Variants in HECTD2 observed in about 807,000 individuals in gnomAD.
The protein encoded by HECTD2 is HECT domain E3 ubiquitin protein ligase 2, also known as probable E3 ubiquitin-protein ligase HECTD2.
HECTD2 carries 35 observed loss-of-function variants against 103.2 expected under a neutral mutation model. The ratio of observed to expected loss-of-function variants is 0.34; its 90% CI spans 0.26 to 0.45. The LOEUF (loss-of-function observed/expected upper bound fraction) is 0.45. HECTD2 is among the 20% of genes least tolerant of loss of function. The probability of loss-of-function intolerance (pLI) is 1.00; values close to 1 mark genes in which losing one functional copy is unlikely to be tolerated. For synonymous variants in HECTD2, 281 were observed against 329.9 expected, an observed-to-expected ratio of 0.85 and a Z score of 1.61; for missense variants, 596 against 937.4, an observed-to-expected ratio of 0.64 and a Z score of 4.76.
At chr10:91,509,360 G>A (rs1019126125) in intron 20 of HECTD2, among the ~76,000 whole-genome samples, 17 of 152,130 alleles carry the variant, frequency 1.1e-4, no homozygotes, top group African/African-American at 3.4e-4. Context: ...TACACTGCTG[G>A]TGGGAATGTA....
At chr10:91,494,364 G>A (rs1846588450) in intron 14 of HECTD2, among the ~76,000 whole-genome samples, 1 of 152,038 alleles carries the variant, frequency 6.6e-6, no homozygotes, top group Non-Finnish European at 1.5e-5. Flanking sequence ...GCTGGTGAGA[G>A]TGGTGGGACA....
chr10:91,489,199 CTG>C (rs1846373911), intron 11 of HECTD2: 1 of 151,552 alleles, frequency 6.6e-6, no homozygotes, highest in African/African-American at 2.4e-5. Flanking sequence ...GGTGTAGACT[CTG>C]TGACAGGCTA....
Position 91,496,370 on chromosome 10 carries a change from C to A in HECTD2, c.1678C>A (p.Pro560Thr). ...CGTGGACGACTTATGTCAAATTATGCCTGTAAGTATAAAGTTATTAATATC... is the reference window on the plus strand; with the variant it reads ...CGTGGACGACTTATGTCAAATTATGACTGTAAGTATAAAGTTATTAATATC... ...VTVDDLCQIM[P>T]ELAHGLSELL... Residue 560 changes from proline (P) to threonine (T), a missense_variant and splice_region_variant, in exon 15 of 21, where the codon CCT becomes ACT. Coordinates refer to ENST00000298068, the MANE Select transcript of HECTD2 (RefSeq NM_182765.6). The A allele has an allele frequency of 6.2e-7, 1 of 1,603,142 alleles. No homozygotes were observed. The highest frequency in any genetic ancestry group is 8.5e-7 in the Non-Finnish European group (1 of 1,172,422).
chr10:91,436,029 A>G (rs560606644), intron 2 of HECTD2, among the ~76,000 whole-genome samples: 1 of 151,646 alleles, frequency 6.6e-6, no homozygotes, highest in South Asian at 2.1e-4. Flanking sequence ...TTTCTTTTTT[A>G]TAGTACCCTT....
chr10:91,470,929 G>A (rs766242556), intron 5 of HECTD2, among the ~76,000 whole-genome samples: 2 of 151,886 alleles, frequency 1.3e-5, no homozygotes, highest in Non-Finnish European at 2.9e-5. Flanking sequence ...AATTCATTTT[G>A]TGAGGCCAGC....
At chr10:91,470,707 A>G (rs1340318974) in intron 5 of HECTD2, among the ~76,000 whole-genome samples, 1 of 152,062 alleles carries the variant, frequency 6.6e-6, no homozygotes, top group African/African-American at 2.4e-5. Flanking sequence ...GAACTGAAAG[A>G]GTTCCATCCC....
intron 2 of HECTD2, among the ~76,000 whole-genome samples, chr10:91,444,307 G>T (rs2133122918): frequency 6.6e-6 from 1 of 152,268 alleles, no homozygotes; most frequent in East Asian, 1.9e-4. Flanking sequence ...AGTGAAATTT[G>T]AATTAGTAAA....
chr10:91,470,774 TTGA>T (rs1473531450), intron 5 of HECTD2, among the ~76,000 whole-genome samples: 15 of 151,790 alleles, frequency 9.9e-5, no homozygotes, highest in Non-Finnish European at 1.5e-5. Context: ...AGCTCTGAAA[TTGA>T]ATCAGTAAGA....
At chr10:91,440,367 G>C (rs1275430924) in intron 2 of HECTD2, among the ~76,000 whole-genome samples, 1 of 152,152 alleles carries the variant, frequency 6.6e-6, no homozygotes, top group Non-Finnish European at 1.5e-5. Context: ...CTTTTTAAGT[G>C]ATAGGTTACA....
chr10:91,460,497 C>T lies in HECTD2; in HGVS notation c.339C>T (p.Ser113=), dbSNP rs1388200436. The change falls in exon 3 of 21, where the codon TCC becomes TCT. Residue 113 remains serine (S), a synonymous_variant. Coordinates refer to ENST00000298068, the MANE Select transcript of HECTD2 (RefSeq NM_182765.6). ...GTACATCTATGGATGCATCATCATCCGAAATGAAGGCCCCAGTCCTTCCAG... is the reference window on the plus strand; with the variant it reads ...GTACATCTATGGATGCATCATCATCTGAAATGAAGGCCCCAGTCCTTCCAG... ...KQRTSMDASS[S]EMKAPVLPEP... is the part of the protein sequence containing the mutation. 2.9e-5 allele frequency: 47 copies of T among 1,612,578 alleles called. No individual in the cohort carries two copies. The highest frequency in any genetic ancestry group is 8.9e-5 in the East Asian group (4 of 44,846).
chr10:91,491,171 CAA>C (rs770379596), intron 11 of HECTD2, 27 bp from the exon 12 acceptor site: 3 of 1,176,254 alleles, frequency 2.6e-6, no homozygotes, highest in Non-Finnish European at 3.8e-6. Context: ...TAAGTAAAAG[CAA>C]AACTGTTTAC....
Position 91,478,284 on chromosome 10 carries a change from T to C in HECTD2, c.665+19T>C, listed in dbSNP as rs779208551. On this transcript the variant is annotated intron_variant, in intron 6 of 20. Transcript: ENST00000298068. Reference sequence around the variant, plus strand: ...GGAAAGGGTAAACTAATATTTTCAATATTTAGCTAATCAGTATAGATGTCT... The same window carrying C: ...GGAAAGGGTAAACTAATATTTTCAACATTTAGCTAATCAGTATAGATGTCT... 2 of 1,450,626 alleles carry C rather than the reference T, an allele frequency of 1.4e-6. No homozygotes were observed. Among genetic ancestry groups the C allele is most frequent in the South Asian group, 2.3e-5 (2 of 87,734 alleles). The allele number at this position is 1,450,626 out of a possible 1,614,324, so 89.9% of individuals were successfully genotyped here. A position where few individuals can be genotyped will look rare whatever the true frequency, so the allele number is the denominator to read the frequency against.
intron 20 of HECTD2, among the ~76,000 whole-genome samples, chr10:91,510,937 A>G (rs917837324): frequency 1.3e-5 from 2 of 152,056 alleles, no homozygotes; most frequent in African/African-American, 4.8e-5. Flanking sequence ...TTACATGTCT[A>G]TTTTTCCTCA....
intron 20 of HECTD2, among the ~76,000 whole-genome samples, chr10:91,508,839 G>A (rs1383982002): frequency 6.6e-6 from 1 of 151,986 alleles, no homozygotes; most frequent in African/African-American, 2.4e-5. Context: ...GTTTATTGCG[G>A]TATTATTCAC....
intron 2 of HECTD2, among the ~76,000 whole-genome samples, chr10:91,436,148 CTGTT>C (rs534747027): frequency 4.4e-4 from 67 of 151,810 alleles, no homozygotes; most frequent in African/African-American, 1.5e-3. Flanking sequence ...TTGCTTTTGT[CTGTT>C]TGTTTTGGTC....
chr10:91,509,943 A>G (rs1421848971), intron 20 of HECTD2, among the ~76,000 whole-genome samples: 1 of 152,206 alleles, frequency 6.6e-6, no homozygotes, highest in African/African-American at 2.4e-5. Flanking sequence ...AGGTAGAGGA[A>G]AAACATGTTG....
rs578063841 is a variant in HECTD2, at chr10:91,498,296, A to G, written c.1755+114A>G. On this transcript the variant is annotated intron_variant, in intron 16 of 20. Transcript: ENST00000298068. ...GATGAACAAGGATTAACCAATACAT[A>G]CAATCCTCTGTCTTAAAGGACCTTA... The G allele has an allele frequency of 7.0e-6, 5 of 715,624 alleles. No homozygotes were observed. In the African/African-American group the frequency reaches 8.8e-5, roughly 13 times the overall value. The allele number at this position is 715,624 out of a possible 1,614,324, so 44.3% of individuals were successfully genotyped here.
intron 2 of HECTD2, among the ~76,000 whole-genome samples, chr10:91,432,417 T>C (rs940002897): frequency 4.9e-4 from 75 of 152,004 alleles, no homozygotes; most frequent in African/African-American, 1.7e-3. Flanking sequence ...CCTGTCAAAT[T>C]GACTGTCCTT....
At chr10:91,432,484 A>G (rs1220453274) in intron 2 of HECTD2, among the ~76,000 whole-genome samples, 1 of 151,958 alleles carries the variant, frequency 6.6e-6, no homozygotes, top group Non-Finnish European at 1.5e-5. Flanking sequence ...GCTAGTGATG[A>G]TATCTCTTCA....
Sources: gnomAD v4.1 joint callset for allele counts (sites outside exome capture counted in the v4.1 genomes callset) on GRCh38, gnomAD v4.1.1 for gene constraint, MANE v1.5 for transcripts, NCBI Gene and HGNC (gene_info 2026-07-23, HGNC 2026-07-21) for gene names.